PCNT: variants seen among roughly 807,000 people sequenced by gnomAD.
PCNT encodes the protein kendrin.
Under a neutral mutation model 380.4 loss-of-function variants are expected in PCNT, and 319 were observed. That is an observed-to-expected ratio of 0.84 (90% CI 0.77 to 0.92). The LOEUF (loss-of-function observed/expected upper bound fraction) is 0.92, where lower values mean the gene tolerates loss of function less well. PCNT is among the 40% of genes least tolerant of loss of function. The pLI, the probability that PCNT is intolerant of heterozygous loss-of-function variation, is 0.00. For missense variants in PCNT, 4,400 were observed against 4,255.3 expected, an observed-to-expected ratio of 1.03 and a Z score of -0.95; for synonymous variants, 1,845 against 1,735.2, an observed-to-expected ratio of 1.06 and a Z score of -1.57.
chr21:46,438,207 TGCTGAAAGA>T lies in PCNT; in HGVS notation c.9144_9152del (p.Leu3049_Asp3051del). On this transcript the variant is annotated inframe_deletion, in exon 41 of 47. Coordinates refer to ENST00000359568, the MANE Select transcript of PCNT (RefSeq NM_006031.6). ...CTGCAGTTCCAGTTTGTGGACGTCC[TGCTGAAAGA>T]CAATGTTTCCCTCACAAAAGCGCTC... 6.2e-7 allele frequency: 1 copy of T among 1,614,174 alleles called. No homozygotes were observed. The highest frequency in any genetic ancestry group is 8.5e-7 in the Non-Finnish European group (1 of 1,179,976).
chr21:46,383,914 A>G (rs1250106512), intron 16 of PCNT, among the ~76,000 whole-genome samples: 32 of 129,454 alleles, frequency 2.5e-4, no homozygotes, highest in South Asian at 1.2e-3. Flanking sequence ...GCGCATTCAC[A>G]GTGTTGTGCG....
chr21:46,346,263 G>T, intron 4 of PCNT, 55 bp downstream of exon 4: 10 of 1,037,638 alleles, frequency 9.6e-6, no homozygotes, highest in Non-Finnish European at 1.4e-5. Context: ...ATCCCCACAG[G>T]GCACAGTGGG....
Position 46,384,645 on chromosome 21 carries a change from G to A in PCNT, c.3313-1187G>A, listed in dbSNP as rs569738792. Among the ~76,000 whole-genome samples the A allele has an allele frequency of 4.2e-4, 62 of 147,960 alleles. 11 individuals are homozygous for A. Among genetic ancestry groups the A allele is most frequent in the Admixed American group, 2.7e-3 (40 of 14,732 alleles). On this transcript the variant is annotated intron_variant, in intron 16 of 46. Transcript: ENST00000359568. The stretch of plus-strand genomic sequence containing the variant: ...GCATTCGTGGTGTGCATTCAGGGGC[G>A]GAAGTGCATTCACGGTATTGTGCAT...
intron 15 of PCNT, among the ~76,000 whole-genome samples, chr21:46,381,159 AGAG>A (rs2085518040): frequency 7.1e-6 from 1 of 140,268 alleles, no homozygotes; most frequent in South Asian, 2.4e-4. Flanking sequence ...CCTGGGTGAC[AGAG>A]AAGAGTCCTT....
At chr21:46,444,894 A>G (rs1818592816) in intron 46 of PCNT, 73 bp downstream of exon 46, 1 of 1,450,688 alleles carries the variant, frequency 6.9e-7, no homozygotes, top group African/African-American at 1.4e-5. Context: ...GTCTGTTGAA[A>G]GATGGCTGGT....
rs1179573210 is a variant in PCNT at position 46,359,496 on chromosome 21, T to G, written c.2154+2305T>G. ...AATACACCTGTTTTTTTTTTGTTTT[T>G]TTTTTTTTTTTGAGACAGTGTCTCA... On this transcript the variant is annotated intron_variant, in intron 13 of 46. Transcript: ENST00000359568. 1.4e-4 allele frequency among the ~76,000 whole-genome samples: 16 copies of G among 114,636 alleles called. 2 individuals are homozygous for G. The highest frequency in any genetic ancestry group is 3.6e-4 in the Admixed American group (4 of 11,066). The allele number at this position is 114,636 out of a possible 152,430, so 75.2% of individuals were successfully genotyped here.
chr21:46,440,777 C>T (rs1213614130), intron 42 of PCNT, 78 bp from the exon 43 acceptor site: 2 of 876,176 alleles, frequency 2.3e-6, no homozygotes, highest in East Asian at 4.8e-5. Flanking sequence ...TTGGAAAGAG[C>T]AATGGTGTTA....
chr21:46,443,808 A>T lies in PCNT; in HGVS notation c.9701-2A>T, dbSNP rs778234498. ...CTTGGTTGTTAAATAATTCTGGGGA[A>T]GGGCCCCGAGCACGACAGCCGCAGT... is the stretch of plus-strand genomic sequence containing the variant. On this transcript the variant is annotated splice_acceptor_variant, in intron 44 of 46. Transcript: ENST00000359568. LOFTEE classifies it high-confidence loss of function. The T allele has an allele frequency of 7.4e-6, 12 of 1,611,324 alleles. No individual in the cohort carries two copies. The African/African-American group carries it at 1.5e-4, about 20-fold the overall frequency.
At chr21:46,413,353 TGTGGGGAGGGGGGAAGGCGTGAGG>T (rs2086876548) in intron 29 of PCNT, among the ~76,000 whole-genome samples, 1 of 8,154 alleles carries the variant, frequency 1.2e-4, no homozygotes. Context: ...GGCAGCAAGG[TGTGGGGAGGGGGGAAGGCGTGAGG>T]CCCCCCTGGG....
chr21:46,345,880 C>T (rs774640233), intron 3 of PCNT, among the ~76,000 whole-genome samples: 1 of 152,220 alleles, frequency 6.6e-6, no homozygotes, highest in Non-Finnish European at 1.5e-5. Context: ...GTCTTCAGGG[C>T]TCCTCTGTGT....
At chr21:46,415,542 G>A (rs561074939) in intron 29 of PCNT, among the ~76,000 whole-genome samples, 1 of 151,836 alleles carries the variant, frequency 6.6e-6, no homozygotes, top group Non-Finnish European at 1.5e-5. Flanking sequence ...CCGCCACCAT[G>A]CCTGGCTAAT....
rs748795294 is a variant in PCNT, at chr21:46,357,030, G to A, written c.1993G>A (p.Glu665Lys). The A allele has an allele frequency of 6.2e-7, 1 of 1,614,250 alleles. No individual in the cohort carries two copies. The highest frequency in any genetic ancestry group is 8.5e-7 in the Non-Finnish European group (1 of 1,180,044). Reference sequence around the variant, plus strand: ...GGACGGGGACTTGGAGGCCGACACAGAGCGGGCAGCCAGAGTCTTGGGTCT... The same window carrying A: ...GGACGGGGACTTGGAGGCCGACACAAAGCGGGCAGCCAGAGTCTTGGGTCT... ...VQDGDLEADTERAARVLGLET... is the reference protein window; with the variant it reads ...VQDGDLEADTKRAARVLGLET... The change falls in exon 13 of 47, where the codon GAG (glutamate) becomes AAG (lysine). Residue 665 changes from glutamate to lysine, a missense_variant. By Grantham distance (56) the Glu-to-Lys change is moderately conservative. Coordinates refer to ENST00000359568, the MANE Select transcript of PCNT (RefSeq NM_006031.6).
At chr21:46,410,938 A>G (rs531102926) in intron 27 of PCNT, among the ~76,000 whole-genome samples, 1 of 152,378 alleles carries the variant, frequency 6.6e-6, no homozygotes, top group African/African-American at 2.4e-5. Flanking sequence ...ATGTCCTTGC[A>G]TGGAAAATGA....
intron 17 of PCNT, among the ~76,000 whole-genome samples, chr21:46,387,480 C>T (rs956175998): frequency 1.3e-5 from 2 of 152,046 alleles, no homozygotes; most frequent in African/African-American, 4.8e-5. Context: ...ACAAGGGGTG[C>T]AGAGGTGAGC....
chr21:46,341,664 GC>G (rs2083912756), intron 3 of PCNT, among the ~76,000 whole-genome samples: 1 of 151,788 alleles, frequency 6.6e-6, no homozygotes, highest in Non-Finnish European at 1.5e-5. Flanking sequence ...TCCACACCTG[GC>G]CTCCTGGACG....
intron 37 of PCNT, 128 bp downstream of exon 37, chr21:46,430,785 TAGC>T: frequency 6.5e-7 from 1 of 1,530,298 alleles, no homozygotes; most frequent in Non-Finnish European, 8.8e-7. Context: ...CAGTGTGACG[TAGC>T]AGGATAGGGC....
intron 31 of PCNT, among the ~76,000 whole-genome samples, chr21:46,418,526 C>G (rs986455436): frequency 1.5e-4 from 23 of 152,344 alleles, no homozygotes; most frequent in African/African-American, 5.3e-4. Context: ...GGGCCACGCT[C>G]CACCCTGGAA....
rs1291476883 is a variant in PCNT at position 46,351,640 on chromosome 21, CA to C, written c.1456+106del. On this transcript the variant is annotated intron_variant, in intron 9 of 46. Transcript: ENST00000359568. The stretch of plus-strand genomic sequence containing the variant: ...CAGAATTTAACAATTCTAGCAAACA[CA>C]AAAAAGTGGATTTACCTGTTTGACA... 14 of 801,934 alleles carry C rather than the reference CA, an allele frequency of 1.7e-5. No homozygotes were observed. In the Admixed American group the frequency reaches 2.7e-4, roughly 15 times the overall value. 49.7% of individuals were successfully genotyped at this position (801,934 alleles called of 1,614,324 possible).
chr21:46,414,758 C>T (rs1167698104), intron 29 of PCNT, among the ~76,000 whole-genome samples: 3 of 103,300 alleles, frequency 2.9e-5, no homozygotes, highest in African/African-American at 1.3e-4. Flanking sequence ...GACACGCAGC[C>T]GCCCACCCTC....
Sources: allele counts gnomAD v4.1 joint callset (sites outside exome capture counted in the v4.1 genomes callset), GRCh38; gene constraint gnomAD v4.1.1; transcripts MANE v1.5; gene names NCBI Gene and HGNC (gene_info 2026-07-23, HGNC 2026-07-21).